Variants in SH3GL3 observed in about 807,000 individuals in gnomAD.
SH3GL3 encodes the protein SH3 domain containing GRB2 like 3, endophilin A3.
A neutral mutation model predicts 47.7 loss-of-function variants in SH3GL3; 33 were observed. The observed-to-expected ratio is 0.69, with a 90% CI of 0.52 to 0.92. The LOEUF (loss-of-function observed/expected upper bound fraction) is 0.92, where lower values mean the gene tolerates loss of function less well. Among genes scored for constraint, SH3GL3 ranks in the 40% least tolerant of loss-of-function variants. The pLI, the probability that SH3GL3 is intolerant of heterozygous loss-of-function variation, is 0.00. For missense variants in SH3GL3, 363 were observed against 417.8 expected, an observed-to-expected ratio of 0.87 and a Z score of 1.14; for synonymous variants, 155 against 148.8, an observed-to-expected ratio of 1.04 and a Z score of -0.30.
intron 1 of SH3GL3, among the ~76,000 whole-genome samples, chr15:83,481,471 A>C (rs1050831306): frequency 4.6e-5 from 7 of 152,042 alleles, no homozygotes; most frequent in African/African-American, 1.7e-4. Flanking sequence ...TTAAATTGCT[A>C]CTTCTCCCTG....
chr15:83,574,839 C>T (rs921959109), intron 5 of SH3GL3, among the ~76,000 whole-genome samples: 2 of 152,198 alleles, frequency 1.3e-5, no homozygotes, highest in African/African-American at 2.4e-5. Context: ...CTGGCTGTCA[C>T]CTCACCCCTC....
At chr15:83,574,603 G>C (rs546007604) in intron 5 of SH3GL3, among the ~76,000 whole-genome samples, 2 of 152,228 alleles carry the variant, frequency 1.3e-5, no homozygotes, top group South Asian at 4.1e-4. Flanking sequence ...CACAGCCAGG[G>C]CACCCTTTCT....
chr15:83,611,132 T>G (rs942811073), intron 8 of SH3GL3, among the ~76,000 whole-genome samples: 2 of 151,690 alleles, frequency 1.3e-5, no homozygotes, highest in Non-Finnish European at 2.9e-5. Flanking sequence ...TGAACCATAT[T>G]AATGCCAAGG....
At chr15:83,494,279 C>T (rs1034026586) in intron 1 of SH3GL3, among the ~76,000 whole-genome samples, 3 of 152,152 alleles carry the variant, frequency 2.0e-5, no homozygotes, top group Non-Finnish European at 4.4e-5. Context: ...CTGATGGGCT[C>T]GGTCACTGGA....
At position 83,470,809 on chromosome 15, in the gene SH3GL3, C is replaced by T. The variant is rs376002828; in HGVS notation, c.45+23231C>T. Among the ~76,000 whole-genome samples, 13 of 152,074 alleles carry T rather than the reference C, an allele frequency of 8.5e-5. No homozygotes were observed. In the South Asian group the frequency reaches 1.2e-3, roughly 15 times the overall value. On this transcript the variant is annotated intron_variant, in intron 1 of 8. Coordinates refer to ENST00000427482, the MANE Select transcript of SH3GL3 (RefSeq NM_003027.5). ...GTACACCTCTTTGTACTGCAGTTGT[C>T]GTGGCTGTTCACATGTGTGTGTATA... is the stretch of plus-strand genomic sequence containing the variant.
chr15:83,598,375 C>T (rs2060288190), intron 8 of SH3GL3, among the ~76,000 whole-genome samples: 1 of 152,216 alleles, frequency 6.6e-6, no homozygotes, highest in South Asian at 2.1e-4. Context: ...AACCTCATTT[C>T]CTCCATCTGC....
intron 8 of SH3GL3, among the ~76,000 whole-genome samples, chr15:83,615,215 C>G (rs1186944158): frequency 6.6e-6 from 1 of 151,720 alleles, no homozygotes; most frequent in African/African-American, 2.4e-5. Context: ...CATATTAATA[C>G]TGAAATATAC....
At chr15:83,515,525 TGG>T (rs201207311) in intron 1 of SH3GL3, among the ~76,000 whole-genome samples, 1 of 147,424 alleles carries the variant, frequency 6.8e-6, no homozygotes, top group Non-Finnish European at 1.5e-5. Context: ...CCCATGCAGG[TGG>T]GGGGGGAGGG....
rs185729493 is a variant in SH3GL3 at position 83,594,052 on chromosome 15, C to G, written c.838+5281C>G. Among the ~76,000 whole-genome samples the G allele has an allele frequency of 2.3e-3, 347 of 152,284 alleles. 1 individual carries two copies. The highest frequency in any genetic ancestry group is 7.7e-3 in the African/African-American group (320 of 41,564). On this transcript the variant is annotated intron_variant, in intron 8 of 8. Coordinates refer to ENST00000427482, the MANE Select transcript of SH3GL3 (RefSeq NM_003027.5). Reference sequence around the variant, plus strand: ...TAAGCTGGTCATGAACTTCTGGGCTCAAGCTATTCGCCTGCTTCGGCCTTC... The same window carrying G: ...TAAGCTGGTCATGAACTTCTGGGCTGAAGCTATTCGCCTGCTTCGGCCTTC...
At chr15:83,580,975 C>T (rs550021179) in intron 6 of SH3GL3, among the ~76,000 whole-genome samples, 1 of 152,354 alleles carries the variant, frequency 6.6e-6, no homozygotes, top group African/African-American at 2.4e-5. Context: ...GGGAAATCCT[C>T]TGAGATGGGT....
the SH3GL3 span, among the ~76,000 whole-genome samples, chr15:83,626,522 C>A: frequency 6.6e-6 from 1 of 152,204 alleles, no homozygotes; most frequent in Admixed American, 6.5e-5. Context: ...ATCTGAGTCA[C>A]ATTTTCCAGT....
intron 8 of SH3GL3, among the ~76,000 whole-genome samples, chr15:83,613,954 A>G (rs1408009314): frequency 6.6e-6 from 1 of 152,204 alleles, no homozygotes; most frequent in Non-Finnish European, 1.5e-5. Context: ...CGAGACTACC[A>G]TGTGGTTTGG....
chr15:83,488,136 A>C (rs1034585113), intron 1 of SH3GL3: 16 of 152,216 alleles, frequency 1.1e-4, no homozygotes, highest in Admixed American at 9.8e-4. Flanking sequence ...TCGGCCTCCC[A>C]GAGTGCTGGG....
intron 1 of SH3GL3, among the ~76,000 whole-genome samples, chr15:83,520,325 G>T (rs1273649356): frequency 6.6e-6 from 1 of 152,162 alleles, no homozygotes; most frequent in Non-Finnish European, 1.5e-5. Flanking sequence ...TGAAGAGATA[G>T]CAAAGAACAA....
intron 5 of SH3GL3, among the ~76,000 whole-genome samples, chr15:83,573,441 A>G (rs534156645): frequency 2.4e-4 from 37 of 152,332 alleles, no homozygotes; most frequent in African/African-American, 8.9e-4. Flanking sequence ...GAGAAATGCA[A>G]ATTCTTGGGC....
At chr15:83,487,535 C>T (rs1372177106) in intron 1 of SH3GL3, among the ~76,000 whole-genome samples, 2 of 152,158 alleles carry the variant, frequency 1.3e-5, no homozygotes. Context: ...AATCTATGTG[C>T]AAGAATGTTT....
At chr15:83,576,548 G>A (rs1295187360) in intron 5 of SH3GL3, 35 bp from the exon 6 acceptor site, 6 of 1,553,334 alleles carry the variant, frequency 3.9e-6, no homozygotes, top group Non-Finnish European at 5.2e-6. Flanking sequence ...TTTGAATGTA[G>A]CACCTCTCTG....
At chr15:83,571,626 C>T (rs932556389) in intron 4 of SH3GL3, among the ~76,000 whole-genome samples, 1 of 151,834 alleles carries the variant, frequency 6.6e-6, no homozygotes, top group Admixed American at 6.6e-5. Context: ...CTCTATTTTA[C>T]AGGTAATTAA....
At chr15:83,576,209 C>G (rs548477582) in intron 5 of SH3GL3, among the ~76,000 whole-genome samples, 127 of 152,202 alleles carry the variant, frequency 8.3e-4, no homozygotes, top group African/African-American at 3.0e-3. Flanking sequence ...AGAAATGTTC[C>G]TACTGTGTTT....
Sources: gnomAD v4.1 joint callset for allele counts (sites outside exome capture counted in the v4.1 genomes callset) on GRCh38, gnomAD v4.1.1 for gene constraint, MANE v1.5 for transcripts, NCBI Gene and HGNC (gene_info 2026-07-23, HGNC 2026-07-21) for gene names.